The following CAPN8 variants were observed in gnomAD, a reference collection of about 807,000 sequenced individuals.
The protein encoded by CAPN8 is calpain-8.
A neutral mutation model predicts 80.9 loss-of-function variants in CAPN8; 87 were observed. The observed-to-expected ratio is 1.07, with a 90% CI of 0.90 to 1.28. CAPN8 has a LOEUF of 1.28. Among genes scored for constraint, CAPN8 ranks in the 50% most tolerant of loss-of-function variants. The pLI is 0.00. For synonymous variants in CAPN8, 299 were observed against 273.8 expected, an observed-to-expected ratio of 1.09 and a Z score of -0.91; for missense variants, 757 against 702.0, an observed-to-expected ratio of 1.08 and a Z score of -0.89.
At chr1:223,649,532 C>T (rs1192082952) in intron 2 of CAPN8, among the ~76,000 whole-genome samples, 1 of 152,162 alleles carries the variant, frequency 6.6e-6, no homozygotes, top group African/African-American at 2.4e-5. Context: ...TGTACCCACC[C>T]AGCAGTGTCG....
chr1:223,549,681 C>T, intron 15 of CAPN8: 1 of 509,140 alleles, frequency 2.0e-6, no homozygotes, highest in African/African-American at 1.9e-5. Context: ...ATTTCCTCCT[C>T]CATCAAATGG....
In CAPN8 at chr1:223,662,452, C is replaced by CA. The variant is rs890807340; in HGVS notation, c.237+2957dup. On this transcript the variant is annotated intron_variant, in intron 1 of 20. Transcript: ENST00000366872. Reference sequence around the variant, plus strand: ...CAACAGAGAAAGACTCTATCTCAAACAAAAAAAAAGAAAGAAAGAAAAAGA... The same window carrying CA: ...CAACAGAGAAAGACTCTATCTCAAACAAAAAAAAAAGAAAGAAAGAAAAAGA... Among the ~76,000 whole-genome samples the CA allele has an allele frequency of 1.2e-3, 164 of 142,316 alleles. 1 individual carries two copies. The highest frequency in any genetic ancestry group is 3.7e-3 in the African/African-American group (142 of 38,486). The allele number at this position is 142,316 out of a possible 152,430, so 93.4% of individuals were successfully genotyped here.
At chr1:223,615,019 A>G (rs574838681) in intron 10 of CAPN8, among the ~76,000 whole-genome samples, 1 of 152,392 alleles carries the variant, frequency 6.6e-6, no homozygotes, top group Non-Finnish European at 1.5e-5. Flanking sequence ...ACACATGCAC[A>G]TATACACCCT....
intron 9 of CAPN8, chr1:223,618,091 C>T (rs969180372): frequency 1.4e-5 from 11 of 780,080 alleles, no homozygotes; most frequent in Middle Eastern, 4.9e-4. Context: ...AGTGACTGGC[C>T]CTGCCCCATG....
At chr1:223,655,476 T>C (rs1345771477) in intron 1 of CAPN8, among the ~76,000 whole-genome samples, 2 of 152,070 alleles carry the variant, frequency 1.3e-5, no homozygotes, top group African/African-American at 4.8e-5. Context: ...CTTTGAACCA[T>C]GGCAGGCAGG....
intron 1 of CAPN8, among the ~76,000 whole-genome samples, chr1:223,655,002 T>C (rs1464554132): frequency 6.6e-6 from 1 of 152,090 alleles, no homozygotes; most frequent in Non-Finnish European, 1.5e-5. Flanking sequence ...ACTAGTGTTT[T>C]AATACTATAT....
Position 223,622,810 on chromosome 1 carries a change from C to T in CAPN8, c.899+5G>A, listed in dbSNP as rs1429896766. 11 of 1,551,104 alleles carry T rather than the reference C, an allele frequency of 7.1e-6. No individual in the cohort carries two copies. The highest frequency in any genetic ancestry group is 9.6e-6 in the Non-Finnish European group (11 of 1,146,566). On this transcript the variant is annotated splice_donor_5th_base_variant and intron_variant, in intron 7 of 20. Coordinates refer to ENST00000366872, the MANE Select transcript of CAPN8 (RefSeq NM_001143962.2). Reference sequence around the variant, plus strand: ...TGACTGGAGAAGCGGGGGAAAAAAACCTACTCATCGCTCCAGGCTCCCGAC... The same window carrying T: ...TGACTGGAGAAGCGGGGGAAAAAAATCTACTCATCGCTCCAGGCTCCCGAC...
intron 15 of CAPN8, 121 bp from the exon 16 acceptor site, chr1:223,549,503 T>C: frequency 2.1e-6 from 3 of 1,451,346 alleles, no homozygotes; most frequent in Non-Finnish European, 2.8e-6. Context: ...ACTTGGTCTC[T>C]GCCAAAAGGG....
chr1:223,620,469 C>T (rs942058418), intron 7 of CAPN8, among the ~76,000 whole-genome samples: 1 of 152,184 alleles, frequency 6.6e-6, no homozygotes, highest in Non-Finnish European at 1.5e-5. Context: ...ACTCCATGGG[C>T]ACTAGCACGA....
In CAPN8 at chr1:223,656,668, G is replaced by GTTTTTT. The variant is rs1331913444; in HGVS notation, c.238-2275_238-2270dup. Among the ~76,000 whole-genome samples, 189 of 94,750 alleles carry GTTTTTT rather than the reference G, an allele frequency of 2.0e-3. 19 individuals carry two copies. The highest frequency in any genetic ancestry group is 2.3e-3 in the Non-Finnish European group (112 of 48,072). 62.2% of individuals were successfully genotyped at this position (94,750 alleles called of 152,430 possible). On this transcript the variant is annotated intron_variant, in intron 1 of 20. Transcript: ENST00000366872. ...ATTTATGTACATACACACGTTTTGG[G>GTTTTTT]TTTTTTTGTTTTGTTTTTTTTTTTT...
At position 223,545,271 on chromosome 1, in the gene CAPN8, A is replaced by T. The variant is rs1656589768; in HGVS notation, c.1793T>A (p.Val598Glu). ...DSNGTGTLGA[V>E]EFKTLWLKIQ... ...CTTCAGCCAGAGCGTCTTGAATTCC[A>T]CCGCCCCCAAAGTGCCCGTTCCATT... Residue 598 changes from valine (V) to glutamate (E), a missense_variant, in exon 17 of 21, where the codon GTG becomes GAG. Transcript: ENST00000366872. 4.5e-6 allele frequency: 7 copies of T among 1,551,484 alleles called. No homozygotes were observed. The highest frequency in any genetic ancestry group is 6.1e-6 in the Non-Finnish European group (7 of 1,146,962).
At chr1:223,555,467 T>C (rs1572225852) in intron 13 of CAPN8, among the ~76,000 whole-genome samples, 1 of 152,190 alleles carries the variant, frequency 6.6e-6, no homozygotes, top group East Asian at 1.9e-4. Context: ...AATCTAAAAA[T>C]ACATCTAGAT....
intron 15 of CAPN8, 86 bp from the exon 16 acceptor site, chr1:223,549,468 A>G: frequency 1.3e-6 from 2 of 1,541,768 alleles, no homozygotes; most frequent in Non-Finnish European, 1.7e-6. Context: ...ACCTCCAAAG[A>G]TACCATCCAA....
chr1:223,619,266 T>C (rs1657302081), intron 9 of CAPN8, 27 bp downstream of exon 9: 1 of 1,549,952 alleles, frequency 6.5e-7, no homozygotes, highest in Non-Finnish European at 8.7e-7. Context: ...CTGGAGGAGG[T>C]TGGGCCAAGG....
At chr1:223,627,233 G>T in intron 4 of CAPN8, 76 bp from the exon 5 acceptor site, 5 of 1,449,690 alleles carry the variant, frequency 3.4e-6, no homozygotes, top group Non-Finnish European at 3.7e-6. Flanking sequence ...CCGGGACAGT[G>T]CTAGGACATA....
chr1:223,635,100 G>A lies in CAPN8; in HGVS notation c.308-6320C>T, dbSNP rs77144451. Reference sequence around the variant, plus strand: ...AGTATAATGTAAAGATTTTGACCCTGCTAATATATGCTTGTTTTTTAAAAA... The same window carrying A: ...AGTATAATGTAAAGATTTTGACCCTACTAATATATGCTTGTTTTTTAAAAA... On this transcript the variant is annotated intron_variant, in intron 2 of 20. Coordinates refer to ENST00000366872, the MANE Select transcript of CAPN8 (RefSeq NM_001143962.2). Among the ~76,000 whole-genome samples the A allele has an allele frequency of 3.9e-4, 60 of 152,302 alleles. No individual in the cohort carries two copies. The East Asian group carries it at 8.3e-3, about 21-fold the overall frequency.
In CAPN8 at chr1:223,665,397, C is replaced by A. The variant is rs66700641; in HGVS notation, c.237+13G>T. ...ACCTTGTATGTCACTCAACAGCAAG[C>A]CCGCTTCCTTACCGTGGGCCGCTTC... On this transcript the variant is annotated intron_variant, in intron 1 of 20. Transcript: ENST00000366872. The A allele has an allele frequency of 0.08, 124,209 of 1,547,482 alleles. 5,755 individuals are homozygous for A. Among genetic ancestry groups the A allele is most frequent in the Middle Eastern group, 0.15 (887 of 5,984 alleles).
intron 10 of CAPN8, 92 bp downstream of exon 10, chr1:223,615,878 G>C: frequency 6.9e-7 from 1 of 1,459,548 alleles, no homozygotes; most frequent in Non-Finnish European, 9.4e-7. Context: ...GAATACTCCA[G>C]CAATAGGAAA....
chr1:223,653,255 C>T (rs1658388533), intron 2 of CAPN8, among the ~76,000 whole-genome samples: 1 of 151,572 alleles, frequency 6.6e-6, no homozygotes, highest in East Asian at 2.0e-4. Flanking sequence ...CACCCCGAAT[C>T]GTTCCCGCTG....
Sources: gnomAD v4.1 joint callset for allele counts (sites outside exome capture counted in the v4.1 genomes callset) on GRCh38, gnomAD v4.1.1 for gene constraint, MANE v1.5 for transcripts, NCBI Gene and HGNC (gene_info 2026-07-23, HGNC 2026-07-21) for gene names.